The following DOCK8 variants were observed in gnomAD, a reference collection of about 807,000 sequenced individuals.
The protein encoded by DOCK8 is dedicator of cytokinesis 8.
In DOCK8, 141 loss-of-function variants were observed where a neutral mutation model predicts 245.6. The observed-to-expected ratio is 0.57, with a 90% CI of 0.50 to 0.66. The LOEUF is 0.66. Ranked by LOEUF, DOCK8 falls within the 30% of genes least tolerant of loss-of-function variation. The pLI, the probability that DOCK8 is intolerant of heterozygous loss-of-function variation, is 0.00. For missense variants in DOCK8, 2,965 were observed against 2,603.4 expected (o/e 1.14, Z -3.02); for synonymous variants, 1,168 against 970.2 (o/e 1.20, Z -3.79).
At chr9:401,009 T>TCCA (rs2055058146) in intron 26 of DOCK8, among the ~76,000 whole-genome samples, 1 of 92,214 alleles carries the variant, frequency 1.1e-5, no homozygotes, top group Non-Finnish European at 2.4e-5. Context: ...CACCATTAGC[T>TCCA]CCACCATGAC....
In DOCK8 at chr9:436,108, A is replaced by T. The variant is rs74604217; in HGVS notation, c.5079+1133A>T. Among the ~76,000 whole-genome samples, 24 of 152,372 alleles carry T rather than the reference A, an allele frequency of 1.6e-4. 1 individual carries two copies. In the East Asian group the frequency reaches 4.6e-3, roughly 29 times the overall value. On this transcript the variant is annotated intron_variant, in intron 39 of 47. Coordinates refer to ENST00000432829, the MANE Select transcript of DOCK8 (RefSeq NM_203447.4). Reference sequence around the variant, plus strand: ...GCTTAGAGAATAAGTCACTGAAACTATGCTGGTGCAGCCAAGAGCTTCTGG... The same window carrying T: ...GCTTAGAGAATAAGTCACTGAAACTTTGCTGGTGCAGCCAAGAGCTTCTGG...
intron 23 of DOCK8, among the ~76,000 whole-genome samples, chr9:389,681 G>T (rs975406380): frequency 6.6e-6 from 1 of 152,026 alleles, no homozygotes; most frequent in African/African-American, 2.4e-5. Context: ...TCTGGGGGTG[G>T]GGCCCCCCAG....
At chr9:338,637 G>C (rs77742916) in intron 12 of DOCK8, among the ~76,000 whole-genome samples, 1 of 152,088 alleles carries the variant, frequency 6.6e-6, no homozygotes, top group Non-Finnish European at 1.5e-5. Flanking sequence ...CTCCACCTTC[G>C]AACATTTGAA....
Position 325,698 on chromosome 9 carries a change from T to G in DOCK8, c.855T>G (p.Phe285Leu). The G allele has an allele frequency of 6.2e-7, 1 of 1,614,144 alleles. No individual in the cohort carries two copies. Among genetic ancestry groups the G allele is most frequent in the Non-Finnish European group, 8.5e-7 (1 of 1,179,978 alleles). ...TCGAGATTGAAATTGAGCCCCTGTT[T>G]GCCAGCATTGCCCTCTACGATGTTA... ...LKFEIEIEPLFASIALYDVKE... is the reference protein window; with the variant it reads ...LKFEIEIEPLLASIALYDVKE... Residue 285 changes from phenylalanine to leucine, a missense_variant, in exon 8 of 48, where the codon TTT (phenylalanine) becomes TTG (leucine). Around this residue, in one of 3 missense-constraint regions of DOCK8, gnomAD observed 2,825 missense variants for 2,453.5 expected, o/e 1.15. Coordinates refer to ENST00000432829, the MANE Select transcript of DOCK8 (RefSeq NM_203447.4).
chr9:292,460 T>A (rs2049087005), intron 4 of DOCK8, among the ~76,000 whole-genome samples: 1 of 150,858 alleles, frequency 6.6e-6, no homozygotes, highest in South Asian at 2.1e-4. Context: ...TTAGATGTTA[T>A]AATTTATCAA....
At chr9:221,543 G>A (rs181573413) in intron 1 of DOCK8, among the ~76,000 whole-genome samples, 2 of 152,222 alleles carry the variant, frequency 1.3e-5, no homozygotes, top group Admixed American at 1.3e-4. Context: ...TGGCCACCGT[G>A]GCTCATGCCT....
intron 33 of DOCK8, 29 bp from the exon 34 acceptor site, chr9:426,856 C>A: frequency 6.2e-7 from 1 of 1,603,020 alleles, no homozygotes. Flanking sequence ...TTGACATGCG[C>A]TTTAATTTGA....
In DOCK8 at chr9:288,136, C is replaced by G. The variant is rs141060032; in HGVS notation, c.333-1374C>G. Among the ~76,000 whole-genome samples the G allele has an allele frequency of 2.2e-3, 328 of 151,146 alleles. 1 individual carries two copies. The highest frequency in any genetic ancestry group is 0.01 in the Middle Eastern group (3 of 294). Reference sequence around the variant, plus strand: ...GTTTTTTAGTATACTGTTGCCTTGTCAAAAGAATTTATAGGTAACATACCT... The same window carrying G: ...GTTTTTTAGTATACTGTTGCCTTGTGAAAAGAATTTATAGGTAACATACCT... On this transcript the variant is annotated intron_variant, in intron 3 of 47. Coordinates refer to ENST00000432829, the MANE Select transcript of DOCK8 (RefSeq NM_203447.4).
chr9:404,098 G>C (rs182309741), intron 26 of DOCK8, among the ~76,000 whole-genome samples: 121 of 151,026 alleles, frequency 8.0e-4, no homozygotes, highest in African/African-American at 2.7e-3. Context: ...GTGCTGGGGT[G>C]GGGGGTGATA....
At chr9:455,979 G>A (rs1463023169) in intron 46 of DOCK8, among the ~76,000 whole-genome samples, 1 of 152,160 alleles carries the variant, frequency 6.6e-6, no homozygotes, top group East Asian at 1.9e-4. Context: ...GTGGAAGGAT[G>A]AAGTCCCAAT....
intron 2 of DOCK8, among the ~76,000 whole-genome samples, chr9:279,286 T>C (rs538296423): frequency 1.3e-5 from 2 of 152,320 alleles, no homozygotes; most frequent in South Asian, 4.1e-4. Flanking sequence ...TGTTAAATTA[T>C]CAAGTAGTGA....
At chr9:243,684 G>A (rs1224274443) in intron 1 of DOCK8, among the ~76,000 whole-genome samples, 1 of 152,036 alleles carries the variant, frequency 6.6e-6, no homozygotes, top group Non-Finnish European at 1.5e-5. Flanking sequence ...TTCCCCTGCA[G>A]CCTCAAGTGG....
intron 2 of DOCK8, among the ~76,000 whole-genome samples, chr9:274,050 A>G (rs977924093): frequency 6.6e-6 from 1 of 152,186 alleles, no homozygotes; most frequent in East Asian, 1.9e-4. Context: ...TTCTTTCAGG[A>G]GAAATTATTT....
At chr9:275,442 G>C (rs2048306356) in intron 2 of DOCK8, among the ~76,000 whole-genome samples, 1 of 152,150 alleles carries the variant, frequency 6.6e-6, no homozygotes, top group African/African-American at 2.4e-5. Context: ...TCTCAGCCCT[G>C]ACTGGACATT....
intron 24 of DOCK8, among the ~76,000 whole-genome samples, chr9:395,901 T>A (rs1013405878): frequency 1.3e-5 from 2 of 152,226 alleles, no homozygotes; most frequent in African/African-American, 4.8e-5. Context: ...TATATCCATA[T>A]AGATATATCT....
At chr9:460,212 C>A (rs907897422) in intron 46 of DOCK8, 1 of 152,234 alleles carries the variant, frequency 6.6e-6, no homozygotes, top group Non-Finnish European at 1.5e-5. Flanking sequence ...CTTGTTTCAA[C>A]CGCAGTTGTC....
chr9:328,391 C>A (rs1314280712), intron 9 of DOCK8, among the ~76,000 whole-genome samples: 2 of 152,226 alleles, frequency 1.3e-5, no homozygotes, highest in Non-Finnish European at 2.9e-5. Context: ...TGAGTCCTGG[C>A]TTTACAACCT....
intron 9 of DOCK8, among the ~76,000 whole-genome samples, chr9:330,209 T>G (rs928941064): frequency 6.6e-6 from 1 of 152,218 alleles, no homozygotes; most frequent in Admixed American, 6.5e-5. Context: ...AATTTTTTTT[T>G]AAAAAGAATT....
At chr9:286,708 T>C (rs766867844) in intron 3 of DOCK8, 72 bp downstream of exon 3, 2 of 1,419,098 alleles carry the variant, frequency 1.4e-6, no homozygotes, top group African/African-American at 1.4e-5. Flanking sequence ...GTAGGGGAGA[T>C]GCCTTCAATC....
Sources: gnomAD v4.1 joint callset for allele counts (sites outside exome capture counted in the v4.1 genomes callset) on GRCh38, gnomAD v4.1.1 for gene constraint, gnomAD v4.1.1 regional missense constraint, MANE v1.5 for transcripts, NCBI Gene and HGNC (gene_info 2026-07-23, HGNC 2026-07-21) for gene names.